The following DGKA variants were observed in gnomAD, a reference collection of about 807,000 sequenced individuals.
DGKA encodes diacylglycerol kinase alpha.
DGKA carries 35 observed loss-of-function variants against 105.0 expected under a neutral mutation model. That is an observed-to-expected ratio of 0.33 (90% CI 0.25 to 0.44). DGKA has a LOEUF of 0.44. DGKA is among the 20% of genes least tolerant of loss of function. DGKA has a pLI of 1.00. For missense variants in DGKA, 665 were observed against 915.0 expected (o/e 0.73, Z 3.53); for synonymous variants, 296 against 332.0 (o/e 0.89, Z 1.18).
intron 5 of DGKA, 126 bp from the exon 6 acceptor site, chr12:55,938,385 C>T: frequency 8.3e-7 from 1 of 1,204,782 alleles, no homozygotes; most frequent in Non-Finnish European, 1.2e-6. Flanking sequence ...CTCTCAGTCC[C>T]ATCCCAGGCT....
At position 55,940,691 on chromosome 12, in the gene DGKA, T is replaced by G; in HGVS notation, c.986T>G (p.Leu329Arg). The stretch of plus-strand genomic sequence containing the variant: ...TGTGGGCTGCTCCGGGATCACATCC[T>G]GCCTCCATCTTCCATCTATCCCAGT... ...CDCGLLRDHILPPSSIYPSVL... is the reference protein window; with the variant it reads ...CDCGLLRDHIRPPSSIYPSVL... The change falls in exon 12 of 24, where the codon CTG becomes CGG. Residue 329 changes from leucine to arginine, a missense_variant. Physicochemically the swap from Leu to Arg is moderately radical, Grantham distance 102. Around this residue, in one of 3 missense-constraint regions of DGKA, gnomAD observed 504 missense variants for 681.2 expected, o/e 0.74. Coordinates refer to ENST00000331886, the MANE Select transcript of DGKA (RefSeq NM_001345.5). The surrounding 1 kb of genome is among the most constrained non-coding windows in gnomAD (Gnocchi z 4.3). 1 of 1,608,306 alleles carries G rather than the reference T, an allele frequency of 6.2e-7. No homozygotes were observed. The highest frequency in any genetic ancestry group is 8.5e-7 in the Non-Finnish European group (1 of 1,178,448).
intron 15 of DGKA, 115 bp from the exon 16 acceptor site, chr12:55,941,882 GA>G: frequency 8.9e-7 from 1 of 1,124,046 alleles, no homozygotes; most frequent in South Asian, 1.3e-5. Context: ...CAAGTCTTTT[GA>G]CAAAAAGGAG....
intron 13 of DGKA, 71 bp from the exon 14 acceptor site, chr12:55,941,179 CCT>C: frequency 6.7e-7 from 1 of 1,496,192 alleles, no homozygotes. Context: ...GCCCTCTGCC[CCT>C]GTCTCCTGGG....
At chr12:55,946,344 TTTGTTGTTGTTGTTG>T (rs547976590) in intron 17 of DGKA, among the ~76,000 whole-genome samples, 1 of 151,198 alleles carries the variant, frequency 6.6e-6, no homozygotes, top group Admixed American at 6.6e-5. Flanking sequence ...CTAATTTTGT[TTTGTTGTTGTTGTTG>T]TTGTTGTTGT....
At position 55,941,740 on chromosome 12, in the gene DGKA, G is replaced by A. The variant is rs772258220; in HGVS notation, c.1250+156G>A. 3.3e-5 allele frequency among the ~76,000 whole-genome samples: 5 copies of A among 152,288 alleles called. 1 individual carries two copies. In the Middle Eastern group the frequency reaches 0.014, roughly 414 times the overall value. ...ATATTTCCTTCCCTAGGGTCACTGG[G>A]TATCCCATCCTCCGAGCTCTCTGGC... On this transcript the variant is annotated intron_variant, in intron 15 of 23. Coordinates refer to ENST00000331886, the MANE Select transcript of DGKA (RefSeq NM_001345.5).
Position 55,932,156 on chromosome 12 carries a change from C to T in DGKA, c.-82+812C>T, listed in dbSNP as rs1883707014. 1 of 218,626 alleles carries T rather than the reference C, an allele frequency of 4.6e-6. No homozygotes were observed. Among genetic ancestry groups the T allele is most frequent in the Admixed American group, 5.2e-5 (1 of 19,188 alleles). 13.5% of individuals were successfully genotyped at this position (218,626 alleles called of 1,614,324 possible). A position where few individuals can be genotyped will look rare whatever the true frequency, so the allele number is the denominator to read the frequency against. Reference sequence around the variant, plus strand: ...CCCCGCGAGCCCCCCAGCGCCCCACCCTCCCCCATCGGAAAAGGACAGGGG... The same window carrying T: ...CCCCGCGAGCCCCCCAGCGCCCCACTCTCCCCCATCGGAAAAGGACAGGGG... On this transcript the variant is annotated intron_variant, in intron 1 of 23. Coordinates refer to ENST00000331886, the MANE Select transcript of DGKA (RefSeq NM_001345.5). The surrounding 1 kb of genome is among the most constrained non-coding windows in gnomAD (Gnocchi z 4.3).
At chr12:55,930,365 T>TTG (rs1883375402), upstream of DGKA, 2 of 129,356 alleles carry the variant, frequency 1.5e-5, no homozygotes, top group African/African-American at 3.6e-5. Context: ...TTGTTTTTTT[T>TTG]TTTTTTTTTT....
At position 55,938,955 on chromosome 12, in the gene DGKA, A is replaced by C; in HGVS notation, c.440A>C (p.Glu147Ala). 1 of 1,614,184 alleles carries C rather than the reference A, an allele frequency of 6.2e-7. No individual in the cohort carries two copies. Among genetic ancestry groups the C allele is most frequent in the Non-Finnish European group, 8.5e-7 (1 of 1,180,030 alleles). ...ATCCTACAGATGATGCGAGTGGCTG[A>C]ATACCTGGATTGGGATGTGTCTGAG... ...KIILQMMRVA[E>A]YLDWDVSELR... The change falls in exon 7 of 24, where the codon GAA (glutamate) becomes GCA (alanine). Residue 147 changes from glutamate to alanine, a missense_variant. Glu to Ala is a moderately radical substitution (Grantham distance 107). This residue lies in a region of DGKA where 504 missense variants were observed against 681.2 expected (regional missense o/e 0.74). Coordinates refer to ENST00000331886, the MANE Select transcript of DGKA (RefSeq NM_001345.5).
intron 7 of DGKA, 41 bp downstream of exon 7, chr12:55,939,030 T>C: frequency 6.2e-7 from 1 of 1,613,538 alleles, no homozygotes; most frequent in East Asian, 2.2e-5. Context: ...TGTACCTTCT[T>C]CCCTGGTGAG....
chr12:55,953,330 T>A lies in DGKA; in HGVS notation c.2064-20T>A, dbSNP rs1341444050. On this transcript the variant is annotated intron_variant, in intron 22 of 23. Transcript: ENST00000331886. The stretch of plus-strand genomic sequence containing the variant: ...ATTCGATTGGTAAGGAAATCACCAA[T>A]GTTCCTTGGCCTCCTATAGCACCAC... 1 of 1,613,958 alleles carries A rather than the reference T, an allele frequency of 6.2e-7. No individual in the cohort carries two copies.
At chr12:55,946,543 G>A (rs931753115) in intron 17 of DGKA, among the ~76,000 whole-genome samples, 27 of 152,136 alleles carry the variant, frequency 1.8e-4, no homozygotes, top group African/African-American at 6.5e-4. Context: ...TTTTAGTAGA[G>A]ACAGGGTTTC....
upstream of DGKA, chr12:55,927,719 G>C (rs1301716057): frequency 1.3e-6 from 2 of 1,539,686 alleles, no homozygotes; most frequent in Non-Finnish European, 1.7e-6. Flanking sequence ...GCCGCGGGTC[G>C]GTCACCTGTC....
At chr12:55,944,737 T>A (rs1886676837) in intron 17 of DGKA, among the ~76,000 whole-genome samples, 1 of 152,214 alleles carries the variant, frequency 6.6e-6, no homozygotes, top group South Asian at 2.1e-4. Context: ...GGACATTTCC[T>A]AGGTTTGTGG....
upstream of DGKA, chr12:55,931,055 AT>A (rs1883569793): frequency 6.6e-6 from 1 of 152,184 alleles, no homozygotes; most frequent in Admixed American, 6.5e-5. Context: ...AAGAAGGACG[AT>A]TCCAGGAACC....
chr12:55,929,081 G>A (rs1592645172), upstream of DGKA: 2 of 152,286 alleles, frequency 1.3e-5, no homozygotes, highest in East Asian at 3.8e-4. Flanking sequence ...GGGAGGTGGA[G>A]GTTGCAGTGA....
At position 55,940,152 on chromosome 12, in the gene DGKA, G is replaced by C; in HGVS notation, c.780G>C (p.Lys260Asn). The change falls in exon 10 of 24, where the codon AAG (lysine) becomes AAC (asparagine). Residue 260 changes from lysine (K) to asparagine (N), a missense_variant. Lys to Asn is a moderately conservative substitution (Grantham distance 94). Around this residue, in one of 3 missense-constraint regions of DGKA, gnomAD observed 504 missense variants for 681.2 expected, o/e 0.74. Transcript: ENST00000331886. The surrounding 1 kb of genome is among the most constrained non-coding windows in gnomAD (Gnocchi z 4.3). The part of the protein sequence containing the change: ...ALPCEVSTYA[K>N]SRKDIGVQSH... ...CTTGTGAAGTCAGCACCTATGCCAA[G>C]TCTCGGAAGGACATTGGTGTGAGTG... 1 of 1,614,244 alleles carries C rather than the reference G, an allele frequency of 6.2e-7. No individual in the cohort carries two copies. Among genetic ancestry groups the C allele is most frequent in the African/African-American group, 1.3e-5 (1 of 75,064 alleles).
chr12:55,934,021 T>C (rs1484978546), intron 1 of DGKA, among the ~76,000 whole-genome samples: 1 of 152,190 alleles, frequency 6.6e-6, no homozygotes, highest in Non-Finnish European at 1.5e-5. Context: ...CTCAGGGAGA[T>C]GAAATGACCT....
At chr12:55,938,840 A>G (rs1477795848) in intron 6 of DGKA, 75 bp from the exon 7 acceptor site, 3 of 1,589,580 alleles carry the variant, frequency 1.9e-6, no homozygotes, top group Non-Finnish European at 2.6e-6. Context: ...ACCCAGGAAC[A>G]CTGATTTCTG....
At chr12:55,928,565 C>A (rs945497919), upstream of DGKA, among the ~76,000 whole-genome samples, 4 of 148,488 alleles carry the variant, frequency 2.7e-5, no homozygotes, top group South Asian at 8.5e-4. Context: ...GTAATCTCAG[C>A]TACTCGGGAG....
Sources: gnomAD v4.1 joint callset for allele counts (sites outside exome capture counted in the v4.1 genomes callset) on GRCh38, gnomAD v4.1.1 for gene constraint, gnomAD v4.1.1 regional missense constraint, Gnocchi (gnomAD v3.1) non-coding constraint, MANE v1.5 for transcripts, NCBI Gene and HGNC (gene_info 2026-07-23, HGNC 2026-07-21) for gene names.